The following ADAMTSL3 variants were observed in gnomAD, a reference collection of about 807,000 sequenced individuals.
ADAMTSL3 encodes the protein ADAMTS like 3, also known as ADAMTS-like protein 3.
In ADAMTSL3, 128 loss-of-function variants were observed where a neutral mutation model predicts 201.7. The ratio of observed to expected loss-of-function variants is 0.63; its 90% CI spans 0.55 to 0.73. The LOEUF is 0.73. Ranked by LOEUF, ADAMTSL3 falls within the 30% of genes least tolerant of loss-of-function variation. ADAMTSL3 has a pLI of 0.00. For missense variants in ADAMTSL3, 1,990 were observed against 2,119.6 expected, an observed-to-expected ratio of 0.94 and a Z score of 1.20; for synonymous variants, 738 against 748.4, an observed-to-expected ratio of 0.99 and a Z score of 0.23.
Position 83,923,972 on chromosome 15 carries a change from G to A in ADAMTSL3, c.2056G>A (p.Asp686Asn), listed in dbSNP as rs1212593177. The change falls in exon 17 of 30, where the codon GAT (aspartate) becomes AAT (asparagine). Residue 686 changes from aspartate (D) to asparagine (N), a missense_variant. Transcript: ENST00000286744. ...GCAGACAGTCAATGACAGCTTGTGT[G>A]ATATGGTCCACCGTCCTCCAGCCAT... The part of the protein sequence containing the change: ...TQQTVNDSLC[D>N]MVHRPPAMSQ... 1 of 1,614,158 alleles carries A rather than the reference G, an allele frequency of 6.2e-7. No individual in the cohort carries two copies. Among genetic ancestry groups the A allele is most frequent in the East Asian group, 2.2e-5 (1 of 44,876 alleles).
At chr15:83,695,004 G>A (rs1596039957) in intron 2 of ADAMTSL3, among the ~76,000 whole-genome samples, 2 of 152,094 alleles carry the variant, frequency 1.3e-5, no homozygotes, top group East Asian at 1.9e-4. Flanking sequence ...ATGCTAACTA[G>A]GGATGTGGGA....
At chr15:83,967,821 G>A (rs2067117782) in intron 19 of ADAMTSL3, among the ~76,000 whole-genome samples, 4 of 152,134 alleles carry the variant, frequency 2.6e-5, no homozygotes, top group Admixed American at 2.6e-4. Flanking sequence ...TATGGTACTG[G>A]TACCAAAACA....
chr15:83,934,574 A>C (rs1310659995), intron 17 of ADAMTSL3, among the ~76,000 whole-genome samples: 1 of 152,188 alleles, frequency 6.6e-6, no homozygotes, highest in Non-Finnish European at 1.5e-5. Context: ...TTGAAATGTG[A>C]AATGCACATG....
At chr15:83,954,302 C>G (rs1419041283) in intron 19 of ADAMTSL3, among the ~76,000 whole-genome samples, 1 of 152,146 alleles carries the variant, frequency 6.6e-6, no homozygotes, top group African/African-American at 2.4e-5. Flanking sequence ...TCTGGTTGAT[C>G]AGTTCTGCTG....
intron 3 of ADAMTSL3, chr15:83,740,078 T>G: frequency 3.3e-6 from 1 of 302,174 alleles, no homozygotes; most frequent in South Asian, 4.2e-5. Flanking sequence ...AAGGAATACC[T>G]ATGCCAGTAA....
At chr15:83,833,875 G>A (rs751434263) in intron 6 of ADAMTSL3, among the ~76,000 whole-genome samples, 4 of 152,142 alleles carry the variant, frequency 2.6e-5, no homozygotes, top group African/African-American at 7.2e-5. Flanking sequence ...TAAACATGTC[G>A]GAAGTTTTGT....
rs529326573 is a variant in ADAMTSL3 at position 83,848,607 on chromosome 15, A to G, written c.728-10159A>G. ...GTGATGAGTGAATTTGAGTTTATAC[A>G]GCATCACTTGGTCTCATAGTAGAAG... On this transcript the variant is annotated intron_variant, in intron 7 of 29. Transcript: ENST00000286744. Among the ~76,000 whole-genome samples the G allele has an allele frequency of 3.3e-4, 51 of 152,362 alleles. No individual in the cohort carries two copies. In the South Asian group the frequency reaches 0.011, roughly 32 times the overall value.
chr15:83,921,088 G>A (rs191512639), intron 16 of ADAMTSL3, among the ~76,000 whole-genome samples: 6 of 152,306 alleles, frequency 3.9e-5, no homozygotes, highest in African/African-American at 1.2e-4. Flanking sequence ...GTGGCTGTAA[G>A]CCTCCCTGTT....
chr15:83,833,037 G>A (rs2064189633), intron 6 of ADAMTSL3, among the ~76,000 whole-genome samples: 1 of 152,206 alleles, frequency 6.6e-6, no homozygotes, highest in South Asian at 2.1e-4. Flanking sequence ...AACACTGGGT[G>A]CTTAGCCCAG....
At chr15:83,796,566 C>T (rs945368019) in intron 4 of ADAMTSL3, among the ~76,000 whole-genome samples, 21 of 152,140 alleles carry the variant, frequency 1.4e-4, no homozygotes, top group African/African-American at 4.8e-4. Context: ...ACCAATTTTC[C>T]CCTATGTTAA....
At chr15:83,888,667 A>G (rs561818964) in intron 10 of ADAMTSL3, among the ~76,000 whole-genome samples, 12 of 152,332 alleles carry the variant, frequency 7.9e-5, no homozygotes, top group African/African-American at 2.4e-4. Flanking sequence ...CTTGAGATCA[A>G]TTTGGAGAAG....
intron 19 of ADAMTSL3, among the ~76,000 whole-genome samples, chr15:83,955,788 A>T (rs552750712): frequency 1.3e-5 from 2 of 152,014 alleles, no homozygotes; most frequent in Admixed American, 1.3e-4. Flanking sequence ...TCCAAGATGC[A>T]AGACAAAGTA....
chr15:84,035,954 G>A (rs889747018), intron 28 of ADAMTSL3, among the ~76,000 whole-genome samples: 1 of 152,142 alleles, frequency 6.6e-6, no homozygotes, highest in African/African-American at 2.4e-5. Flanking sequence ...CCACACTTCA[G>A]GTTTGCATGC....
intron 2 of ADAMTSL3, among the ~76,000 whole-genome samples, chr15:83,692,978 A>G (rs1286506457): frequency 6.6e-6 from 1 of 152,190 alleles, no homozygotes; most frequent in Non-Finnish European, 1.5e-5. Flanking sequence ...TTGAATAAAC[A>G]TGAATGTGTC....
intron 17 of ADAMTSL3, among the ~76,000 whole-genome samples, chr15:83,927,422 C>T (rs1458189858): frequency 6.6e-6 from 1 of 152,108 alleles, no homozygotes. Flanking sequence ...CCCATGAATC[C>T]TTTTCTATGT....
At chr15:83,901,684 T>TA (rs1444607976) in intron 15 of ADAMTSL3, among the ~76,000 whole-genome samples, 2 of 152,206 alleles carry the variant, frequency 1.3e-5, no homozygotes, top group Non-Finnish European at 2.9e-5. Flanking sequence ...ATTAAAAAGA[T>TA]ATGGTTTTGC....
intron 2 of ADAMTSL3, among the ~76,000 whole-genome samples, chr15:83,696,034 CA>C (rs1039753450): frequency 6.6e-6 from 1 of 152,106 alleles, no homozygotes; most frequent in Admixed American, 6.5e-5. Flanking sequence ...CCATCCAGGC[CA>C]GGGGGAATAG....
At chr15:83,831,144 C>T (rs931995199) in intron 6 of ADAMTSL3, among the ~76,000 whole-genome samples, 1 of 152,198 alleles carries the variant, frequency 6.6e-6, no homozygotes, top group African/African-American at 2.4e-5. Flanking sequence ...CACCTTACCT[C>T]CTCTTGTCTA....
At chr15:83,818,982 A>C (rs2063811535) in intron 5 of ADAMTSL3, among the ~76,000 whole-genome samples, 1 of 151,886 alleles carries the variant, frequency 6.6e-6, no homozygotes, top group South Asian at 2.1e-4. Flanking sequence ...TGAATTAAAA[A>C]CAACGACAGG....
Sources: gnomAD v4.1 joint callset for allele counts (sites outside exome capture counted in the v4.1 genomes callset) on GRCh38, gnomAD v4.1.1 for gene constraint, MANE v1.5 for transcripts, NCBI Gene and HGNC (gene_info 2026-07-23, HGNC 2026-07-21) for gene names.